The following CNTNAP5 variants were observed in gnomAD, a reference collection of about 807,000 sequenced individuals.
The protein encoded by CNTNAP5 is contactin-associated protein-like 5.
Under a neutral mutation model 150.2 loss-of-function variants are expected in CNTNAP5, and 72 were observed. That is an observed-to-expected ratio of 0.48 (90% CI 0.40 to 0.58). The LOEUF is 0.58. CNTNAP5 is among the 20% of genes least tolerant of loss of function. The pLI is 0.00. For synonymous variants in CNTNAP5, 672 were observed against 619.8 expected (o/e 1.08, Z -1.25); for missense variants, 1,636 against 1,626.2 (o/e 1.01, Z -0.10).
chr2:124,706,872 A>AG (rs1342540616), intron 13 of CNTNAP5, among the ~76,000 whole-genome samples: 2 of 115,622 alleles, frequency 1.7e-5, no homozygotes, highest in African/African-American at 7.2e-5. Context: ...GAGAAGGGGA[A>AG]AGGGAAGAAG....
At chr2:124,833,613 T>G (rs1050221604) in intron 19 of CNTNAP5, among the ~76,000 whole-genome samples, 3 of 152,208 alleles carry the variant, frequency 2.0e-5, no homozygotes, top group Admixed American at 6.5e-5. Context: ...GATGGCTCTG[T>G]AACAGTGTTT....
chr2:124,889,546 T>G (rs1678151786), intron 21 of CNTNAP5, among the ~76,000 whole-genome samples: 1 of 152,126 alleles, frequency 6.6e-6, no homozygotes, highest in Admixed American at 6.6e-5. Context: ...ATTTTCCTTG[T>G]GTTTTCCTAG....
chr2:124,727,256 GA>G (rs2105123031), intron 13 of CNTNAP5, among the ~76,000 whole-genome samples: 2 of 152,104 alleles, frequency 1.3e-5, no homozygotes, highest in South Asian at 4.1e-4. Flanking sequence ...TTGAAATAAG[GA>G]AGTGTGATGT....
intron 3 of CNTNAP5, among the ~76,000 whole-genome samples, chr2:124,384,076 G>A (rs1216325506): frequency 6.6e-6 from 1 of 152,120 alleles, no homozygotes; most frequent in Non-Finnish European, 1.5e-5. Flanking sequence ...GTTTGCAGAT[G>A]TATAATTTTA....
chr2:124,738,715 A>T (rs1680438089), intron 13 of CNTNAP5, among the ~76,000 whole-genome samples: 1 of 149,780 alleles, frequency 6.7e-6, no homozygotes, highest in Non-Finnish European at 1.5e-5. Context: ...TGGGAGACAG[A>T]GTGAGACTCC....
At chr2:124,385,792 A>G (rs1006196634) in intron 3 of CNTNAP5, among the ~76,000 whole-genome samples, 4 of 152,156 alleles carry the variant, frequency 2.6e-5, no homozygotes, top group African/African-American at 7.2e-5. Context: ...TCCCATCCCC[A>G]AGAAGTGCCC....
intron 21 of CNTNAP5, 100 bp from the exon 22 acceptor site, chr2:124,902,782 G>A (rs1573700076): frequency 2.7e-6 from 2 of 743,406 alleles, no homozygotes; most frequent in East Asian, 2.7e-5. Flanking sequence ...CAATAACAAG[G>A]TAATTTCTGT....
At chr2:124,466,212 A>G (rs1010807506) in intron 6 of CNTNAP5, among the ~76,000 whole-genome samples, 3 of 152,096 alleles carry the variant, frequency 2.0e-5, no homozygotes, top group African/African-American at 7.2e-5. Flanking sequence ...TTCTCCAAAA[A>G]TCCTTCAGCA....
intron 19 of CNTNAP5, among the ~76,000 whole-genome samples, chr2:124,860,870 C>T (rs1677510510): frequency 6.6e-6 from 1 of 151,996 alleles, no homozygotes. Flanking sequence ...GAAGGGCATT[C>T]TGGGCAGCGG....
At chr2:124,475,636 TATA>T (rs767787849) in intron 7 of CNTNAP5, among the ~76,000 whole-genome samples, 30 of 152,238 alleles carry the variant, frequency 2.0e-4, no homozygotes, top group Non-Finnish European at 4.0e-4. Flanking sequence ...TTTATCATTA[TATA>T]ATATTATTAT....
rs1481186964 is a variant in CNTNAP5, at chr2:124,920,457, A to G, written c.*6169A>G. Among the ~76,000 whole-genome samples the G allele has an allele frequency of 2.0e-5, 3 of 152,140 alleles. No homozygotes were observed. Among genetic ancestry groups the G allele is most frequent in the African/African-American group, 7.2e-5 (3 of 41,452 alleles). On this transcript the variant is annotated 3_prime_UTR_variant, in exon 24 of 24. Transcript: ENST00000682447. ...TCTATTCTCTTTGAAAGGTAGTATCAACCTGTGTAACCTTGTCCTGCCTTA... is the reference window on the plus strand; with the variant it reads ...TCTATTCTCTTTGAAAGGTAGTATCGACCTGTGTAACCTTGTCCTGCCTTA...
intron 13 of CNTNAP5, among the ~76,000 whole-genome samples, chr2:124,741,212 C>T (rs1401962788): frequency 6.6e-6 from 1 of 152,106 alleles, no homozygotes; most frequent in Non-Finnish European, 1.5e-5. Context: ...AAACAATAAC[C>T]ACAAAGGCAA....
At chr2:124,275,156 T>C (rs1687856229) in intron 3 of CNTNAP5, among the ~76,000 whole-genome samples, 1 of 152,078 alleles carries the variant, frequency 6.6e-6, no homozygotes, top group African/African-American at 2.4e-5. Flanking sequence ...CCCACCCCCA[T>C]GATTCAATTA....
intron 17 of CNTNAP5, among the ~76,000 whole-genome samples, chr2:124,788,560 G>A (rs925823381): frequency 6.6e-6 from 1 of 150,806 alleles, no homozygotes; most frequent in African/African-American, 2.4e-5. Context: ...AACAGGTATT[G>A]TATTCTATGT....
chr2:124,417,423 C>T lies in CNTNAP5; in HGVS notation c.382-20C>T. On this transcript the variant is annotated intron_variant, in intron 3 of 23. Transcript: ENST00000682447. ...TCCATGATAGCACAGACCTCACTGC[C>T]TCTCCTTTCTTCTCTGCAGACCTTT... The T allele has an allele frequency of 6.2e-7, 1 of 1,609,382 alleles. No homozygotes were observed. The highest frequency in any genetic ancestry group is 8.5e-7 in the Non-Finnish European group (1 of 1,176,118).
At chr2:124,520,988 C>G (rs6722312) in intron 8 of CNTNAP5, among the ~76,000 whole-genome samples, 6 of 152,028 alleles carry the variant, frequency 3.9e-5, no homozygotes, top group Non-Finnish European at 5.9e-5. Flanking sequence ...AAACGAGGAC[C>G]AGGTGAAAGT....
At chr2:124,714,547 T>G (rs1277093215) in intron 13 of CNTNAP5, among the ~76,000 whole-genome samples, 3 of 152,088 alleles carry the variant, frequency 2.0e-5, no homozygotes, top group African/African-American at 7.2e-5. Context: ...TTATCCATTA[T>G]CCACCATTCC....
chr2:124,853,535 T>C (rs1314735568), intron 19 of CNTNAP5, among the ~76,000 whole-genome samples: 2 of 152,244 alleles, frequency 1.3e-5, no homozygotes, highest in African/African-American at 4.8e-5. Context: ...GAGATCCAGC[T>C]ACATCACTCT....
chr2:124,409,857 G>C (rs1691697168), intron 3 of CNTNAP5, among the ~76,000 whole-genome samples: 1 of 151,900 alleles, frequency 6.6e-6, no homozygotes, highest in Admixed American at 6.6e-5. Context: ...ATAATGACAG[G>C]ATCAAATTCA....
Sources: allele counts gnomAD v4.1 joint callset (sites outside exome capture counted in the v4.1 genomes callset), GRCh38; gene constraint gnomAD v4.1.1; transcripts MANE v1.5; gene names NCBI Gene and HGNC (gene_info 2026-07-23, HGNC 2026-07-21).